The following PLXNC1 variants were observed in gnomAD, a reference collection of about 807,000 sequenced individuals.
The protein encoded by PLXNC1 is plexin-C1.
PLXNC1 carries 75 observed loss-of-function variants against 178.2 expected under a neutral mutation model. The observed-to-expected ratio is 0.42, with a 90% CI of 0.35 to 0.51. The LOEUF (loss-of-function observed/expected upper bound fraction) is 0.51, where lower values mean the gene tolerates loss of function less well. Ranked by LOEUF, PLXNC1 falls within the 20% of genes least tolerant of loss-of-function variation. PLXNC1 has a pLI of 0.02. For missense variants in PLXNC1, 1,503 were observed against 1,984.4 expected (o/e 0.76, Z 4.61); for synonymous variants, 790 against 779.9 (o/e 1.01, Z -0.22).
chr12:94,203,336 A>C (rs1020502920), intron 4 of PLXNC1, among the ~76,000 whole-genome samples: 5 of 152,248 alleles, frequency 3.3e-5, no homozygotes. Context: ...GCACAGTGGC[A>C]TCTACAAGGC....
At chr12:94,284,855 G>A (rs1167350423) in intron 23 of PLXNC1, among the ~76,000 whole-genome samples, 2 of 152,214 alleles carry the variant, frequency 1.3e-5, no homozygotes, top group Non-Finnish European at 2.9e-5. Context: ...GGAAGCCATG[G>A]GAGGTCCTGA....
chr12:94,150,720 G>C (rs1449628316), intron 1 of PLXNC1: 2 of 152,586 alleles, frequency 1.3e-5, no homozygotes, highest in Non-Finnish European at 1.5e-5. Context: ...CGCCGGGAGA[G>C]GCTGGGCGGG....
intron 1 of PLXNC1, chr12:94,168,299 C>T (rs1307757243): frequency 6.6e-6 from 1 of 152,214 alleles, no homozygotes; most frequent in East Asian, 1.9e-4. Flanking sequence ...ATTTGTGTAA[C>T]AAACTCAGTT....
At chr12:94,247,790 C>T (rs776966507) in intron 12 of PLXNC1, 113 bp from the exon 13 acceptor site, 6 of 889,364 alleles carry the variant, frequency 6.7e-6, no homozygotes, top group Admixed American at 2.0e-5. Flanking sequence ...CCATATTACA[C>T]ATGAGAAAAC....
chr12:94,258,160 A>G (rs542775672), intron 17 of PLXNC1, among the ~76,000 whole-genome samples: 2 of 152,204 alleles, frequency 1.3e-5, no homozygotes, highest in Admixed American at 6.5e-5. Flanking sequence ...ACACACAGAG[A>G]GAACCAGGGC....
At position 94,240,568 on chromosome 12, in the gene PLXNC1, TCC is replaced by T; in HGVS notation, c.2205_2206del (p.Gln736ValfsTer2). ...CGGAAAGAAATGAAGGATGTGTGTA[TCC>T]AGTTTGATGGTGGGAACTGCTCTTC... On this transcript the variant is annotated frameshift_variant, in exon 11 of 31. Coordinates refer to ENST00000258526, the MANE Select transcript of PLXNC1 (RefSeq NM_005761.3). LOFTEE classifies it high-confidence loss of function. 1 of 1,613,880 alleles carries T rather than the reference TCC, an allele frequency of 6.2e-7. No homozygotes were observed. Among genetic ancestry groups the T allele is most frequent in the Non-Finnish European group, 8.5e-7 (1 of 1,179,734 alleles).
intron 1 of PLXNC1, among the ~76,000 whole-genome samples, chr12:94,153,232 T>C (rs1961024870): frequency 6.6e-6 from 1 of 152,204 alleles, no homozygotes; most frequent in Non-Finnish European, 1.5e-5. Flanking sequence ...TGTCTACATC[T>C]CTACTCTTCC....
At chr12:94,199,717 T>C (rs941873987) in intron 4 of PLXNC1, among the ~76,000 whole-genome samples, 8 of 152,226 alleles carry the variant, frequency 5.3e-5, no homozygotes, top group African/African-American at 1.9e-4. Flanking sequence ...TCTCCACCCT[T>C]GGTGTCCCAG....
chr12:94,149,081 A>G lies in PLXNC1; in HGVS notation c.110A>G (p.Glu37Gly), dbSNP rs1405815119. The G allele has an allele frequency of 8.3e-6, 13 of 1,571,128 alleles. No individual in the cohort carries two copies. The highest frequency in any genetic ancestry group is 1.1e-5 in the Non-Finnish European group (13 of 1,166,456). ...GCGGCTCCCGGCCGGGGCGCGGACG[A>G]GCCCGTGTGGCGGTCGGAGCAAGCC... The part of the protein sequence containing the change: ...ALAAPGRGAD[E>G]PVWRSEQAIG... The change falls in exon 1 of 31, where the codon GAG becomes GGG. Residue 37 changes from glutamate to glycine, a missense_variant. By Grantham distance (98) the Glu-to-Gly change is moderately conservative (BLOSUM62 -2). Transcript: ENST00000258526.
At chr12:94,303,689 C>T (rs933896667) in intron 28 of PLXNC1, 67 bp from the exon 29 acceptor site, 185 of 1,113,922 alleles carry the variant, frequency 1.7e-4, no homozygotes, top group Non-Finnish European at 2.2e-4. Context: ...ATAAATTCCT[C>T]CATCTTTTTT....
intron 21 of PLXNC1, among the ~76,000 whole-genome samples, chr12:94,269,481 C>T (rs1035795835): frequency 1.3e-5 from 2 of 152,170 alleles, no homozygotes; most frequent in African/African-American, 4.8e-5. Flanking sequence ...GTGTCTCCAC[C>T]AGGAGTTTCT....
rs372041593 is a variant in PLXNC1, at chr12:94,305,326, C to T, written c.*41C>T. ...GCTTAATCTGGCAAAGTTCTTCAGA[C>T]GACTTGGGAGCAAAATGGCTGCTTG... is the stretch of plus-strand genomic sequence containing the variant. On this transcript the variant is annotated 3_prime_UTR_variant, in exon 31 of 31. Coordinates refer to ENST00000258526, the MANE Select transcript of PLXNC1 (RefSeq NM_005761.3). 1.1e-4 allele frequency: 134 copies of T among 1,266,864 alleles called. No individual in the cohort carries two copies. Among genetic ancestry groups the T allele is most frequent in the Admixed American group, 7.4e-4 (40 of 53,858 alleles). 78.5% of individuals were successfully genotyped at this position (1,266,864 alleles called of 1,614,324 possible). A position where few individuals can be genotyped will look rare whatever the true frequency, so the allele number is the denominator to read the frequency against.
chr12:94,185,476 C>A (rs1007821942), intron 3 of PLXNC1, among the ~76,000 whole-genome samples: 18 of 152,210 alleles, frequency 1.2e-4, no homozygotes, highest in African/African-American at 4.3e-4. Flanking sequence ...CTGTGTGATG[C>A]TCAGTTACTC....
intron 1 of PLXNC1, among the ~76,000 whole-genome samples, chr12:94,168,826 C>G (rs1961729342): frequency 6.6e-6 from 1 of 152,214 alleles, no homozygotes; most frequent in Non-Finnish European, 1.5e-5. Flanking sequence ...GTCTGCCTCC[C>G]AATTCAGCGG....
chr12:94,209,788 T>C lies in PLXNC1; in HGVS notation c.1554+84T>C, dbSNP rs535994639. Reference sequence around the variant, plus strand: ...CTAAATTTCTTCTGTGTGTAAAATATCCATTAGCAATCAAACATGCTTAGT... The same window carrying C: ...CTAAATTTCTTCTGTGTGTAAAATACCCATTAGCAATCAAACATGCTTAGT... On this transcript the variant is annotated intron_variant, in intron 5 of 30. Transcript: ENST00000258526. 6.0e-6 allele frequency: 5 copies of C among 834,016 alleles called. No homozygotes were observed. The Admixed American group carries it at 9.6e-5, about 16-fold the overall frequency. The allele number at this position is 834,016 out of a possible 1,614,324, so 51.7% of individuals were successfully genotyped here.
chr12:94,156,187 A>G (rs1961160207), intron 1 of PLXNC1, among the ~76,000 whole-genome samples: 1 of 152,238 alleles, frequency 6.6e-6, no homozygotes, highest in African/African-American at 2.4e-5. Context: ...TACTTAACTC[A>G]TAGTAAATGT....
chr12:94,249,636 C>T (rs901930450), intron 14 of PLXNC1, among the ~76,000 whole-genome samples: 2 of 152,004 alleles, frequency 1.3e-5, no homozygotes, highest in Non-Finnish European at 2.9e-5. Flanking sequence ...TCACTTGAGC[C>T]TCTAGAAGTC....
chr12:94,243,406 G>A (rs1964444575), intron 11 of PLXNC1, among the ~76,000 whole-genome samples: 1 of 152,232 alleles, frequency 6.6e-6, no homozygotes, highest in Non-Finnish European at 1.5e-5. Flanking sequence ...GAGATGGAAT[G>A]CAGCTGTTAT....
intron 22 of PLXNC1, chr12:94,279,937 T>G: frequency 1.9e-6 from 1 of 533,364 alleles, no homozygotes; most frequent in Non-Finnish European, 3.5e-6. Context: ...GCCCTGAGAC[T>G]GCACGGAATC....
Sources: gnomAD v4.1 joint callset for allele counts (sites outside exome capture counted in the v4.1 genomes callset) on GRCh38, gnomAD v4.1.1 for gene constraint, MANE v1.5 for transcripts, NCBI Gene and HGNC (gene_info 2026-07-23, HGNC 2026-07-21) for gene names.